Variants in CDH18 observed in about 807,000 individuals in gnomAD.
The protein encoded by CDH18 is cadherin 18, also known as cadherin-18.
CDH18 carries 31 observed loss-of-function variants against 67.9 expected under a neutral mutation model. That is an observed-to-expected ratio of 0.46 (90% CI 0.34 to 0.62). The LOEUF (loss-of-function observed/expected upper bound fraction) is 0.62, where lower values mean the gene tolerates loss of function less well. Ranked by LOEUF, CDH18 falls within the 20% of genes least tolerant of loss-of-function variation. The pLI, the probability that CDH18 is intolerant of heterozygous loss-of-function variation, is 0.01. For missense variants in CDH18, 890 were observed against 975.5 expected, an observed-to-expected ratio of 0.91 and a Z score of 1.17; for synonymous variants, 362 against 347.2, an observed-to-expected ratio of 1.04 and a Z score of -0.48.
At chr5:19,514,556 T>C (rs1745646827) in intron 10 of CDH18, among the ~76,000 whole-genome samples, 1 of 152,232 alleles carries the variant, frequency 6.6e-6, no homozygotes, top group Admixed American at 6.5e-5. Context: ...TGTGAGATGG[T>C]ATCTCATTGC....
chr5:20,243,265 T>G (rs2973197), intron 2 of CDH18, among the ~76,000 whole-genome samples: 106,580 of 152,028 alleles, frequency 0.7, 38,023 homozygotes, highest in African/African-American at 0.85. Context: ...TAATGTGTTA[T>G]AACTTTGTAA....
rs575750931 is a variant in CDH18 at position 19,820,704 on chromosome 5, G to T, written c.228+18055C>A. Among the ~76,000 whole-genome samples, 110 of 152,280 alleles carry T rather than the reference G, an allele frequency of 7.2e-4. 1 individual carries two copies. Among genetic ancestry groups the T allele is most frequent in the African/African-American group, 2.5e-3 (102 of 41,566 alleles). On this transcript the variant is annotated intron_variant, in intron 3 of 12. Coordinates refer to ENST00000382275, the MANE Select transcript of CDH18 (RefSeq NM_004934.5). Reference sequence around the variant, plus strand: ...AGTATTTGGAAGGGGTTCCCCCAAGGCCCAGGAATGGAGTTGGTGAGGGTC... The same window carrying T: ...AGTATTTGGAAGGGGTTCCCCCAAGTCCCAGGAATGGAGTTGGTGAGGGTC...
In CDH18 at chr5:20,501,568, TAA is replaced by T. The variant is rs1491319500; in HGVS notation, c.-580+73892_-580+73893del. On this transcript the variant is annotated intron_variant, in intron 1 of 14. Coordinates refer to the CDH18 transcript ENST00000507958. ...ATATTATATATATAATATATATATA[TAA>T]TATATATATATTATATATATATATT... is the stretch of plus-strand genomic sequence containing the variant. Among the ~76,000 whole-genome samples, 9 of 8,832 alleles carry T rather than the reference TAA, an allele frequency of 1.0e-3. No individual in the cohort carries two copies. In the East Asian group the frequency reaches 0.01, roughly 10 times the overall value. The allele number at this position is 8,832 out of a possible 152,430, so 5.8% of individuals were successfully genotyped here.
chr5:19,499,632 GTTA>G (rs1370883570), intron 11 of CDH18, among the ~76,000 whole-genome samples: 2 of 151,800 alleles, frequency 1.3e-5, no homozygotes. Flanking sequence ...TTGTAAATAT[GTTA>G]TTAATTTATT....
chr5:19,708,527 C>T (rs186492852), intron 5 of CDH18, among the ~76,000 whole-genome samples: 2 of 152,148 alleles, frequency 1.3e-5, no homozygotes, highest in African/African-American at 4.8e-5. Context: ...TAAACAAAAT[C>T]TCTGCAGCAC....
chr5:20,093,628 T>C (rs1745635910), intron 2 of CDH18, among the ~76,000 whole-genome samples: 2 of 152,158 alleles, frequency 1.3e-5, no homozygotes, highest in Admixed American at 1.3e-4. Context: ...AATAAAGGTA[T>C]AAAACTAAAT....
intron 1 of CDH18, among the ~76,000 whole-genome samples, chr5:20,393,192 T>C (rs539952732): frequency 1.3e-5 from 2 of 151,948 alleles, no homozygotes; most frequent in South Asian, 4.1e-4. Context: ...ATAAAGATAG[T>C]GTGGCTTAGT....
chr5:19,783,226 T>C (rs549192030), intron 3 of CDH18, among the ~76,000 whole-genome samples: 3 of 152,250 alleles, frequency 2.0e-5, no homozygotes, highest in South Asian at 2.1e-4. Flanking sequence ...GGAAAGAACA[T>C]GAACTTGAGA....
intron 5 of CDH18, among the ~76,000 whole-genome samples, chr5:19,617,084 T>C (rs1749955142): frequency 6.6e-6 from 1 of 152,178 alleles, no homozygotes; most frequent in Non-Finnish European, 1.5e-5. Flanking sequence ...TTCAGTTTGA[T>C]TTGTGTGCAA....
At chr5:19,974,246 G>A (rs988478691) in intron 2 of CDH18, among the ~76,000 whole-genome samples, 7 of 151,980 alleles carry the variant, frequency 4.6e-5, no homozygotes, top group Admixed American at 3.3e-4. Context: ...AATAGGCGGT[G>A]TTGTCCCTGG....
chr5:20,513,076 C>T (rs997519452), intron 1 of CDH18, among the ~76,000 whole-genome samples: 2 of 151,946 alleles, frequency 1.3e-5, no homozygotes, highest in African/African-American at 2.4e-5. Flanking sequence ...CAGATTTCTT[C>T]GTATGTTTTT....
chr5:20,488,673 T>TTTTATATATA lies in CDH18; in HGVS notation c.-580+86788_-580+86789insTATATATAAA, dbSNP rs1435006497. Among the ~76,000 whole-genome samples, 104 of 126,962 alleles carry TTTTATATATA rather than the reference T, an allele frequency of 8.2e-4. 3 individuals are homozygous for TTTTATATATA. In the South Asian group the frequency reaches 0.023, roughly 28 times the overall value. 83.3% of individuals were successfully genotyped at this position (126,962 alleles called of 152,430 possible). ...TCTTTTTGGTTGGAGGGGTAGTGTT[T>TTTTATATATA]TATATATATATATATATATATATAT... On this transcript the variant is annotated intron_variant, in intron 1 of 14. Coordinates refer to the CDH18 transcript ENST00000507958.
chr5:20,242,631 T>A (rs868124386), intron 2 of CDH18, among the ~76,000 whole-genome samples: 2 of 91,326 alleles, frequency 2.2e-5, no homozygotes, highest in Non-Finnish European at 3.9e-5. Flanking sequence ...TATATATATA[T>A]ATGTATATAT....
intron 4 of CDH18, among the ~76,000 whole-genome samples, chr5:19,739,293 T>G (rs1768783833): frequency 6.6e-6 from 1 of 152,178 alleles, no homozygotes; most frequent in Admixed American, 6.5e-5. Context: ...TCTAAAACCC[T>G]TAATATTTTT....
At chr5:19,951,615 T>C (rs992424244) in intron 2 of CDH18, among the ~76,000 whole-genome samples, 1 of 152,136 alleles carries the variant, frequency 6.6e-6, no homozygotes. Context: ...CCTTATTTTA[T>C]AGAGTATAGA....
intron 1 of CDH18, among the ~76,000 whole-genome samples, chr5:20,507,753 A>G (rs550860207): frequency 2.1e-4 from 32 of 152,284 alleles, no homozygotes; most frequent in Non-Finnish European, 3.4e-4. Flanking sequence ...ATATTATTCT[A>G]AAAGGAAAGA....
At chr5:20,473,272 G>A (rs1017015540) in intron 1 of CDH18, among the ~76,000 whole-genome samples, 7 of 152,100 alleles carry the variant, frequency 4.6e-5, no homozygotes, top group East Asian at 1.9e-4. Context: ...AAAGTTACTC[G>A]TGCTCAGTAA....
At chr5:20,302,602 T>A (rs564281621) in intron 1 of CDH18, among the ~76,000 whole-genome samples, 1 of 152,238 alleles carries the variant, frequency 6.6e-6, no homozygotes, top group African/African-American at 2.4e-5. Context: ...CTCAGGTACT[T>A]AGGAGTTCAT....
chr5:20,097,702 T>G (rs2150571943), intron 2 of CDH18, among the ~76,000 whole-genome samples: 1 of 152,320 alleles, frequency 6.6e-6, no homozygotes, highest in South Asian at 2.1e-4. Flanking sequence ...AATACTGATC[T>G]GATTAAGATG....
Sources: allele counts gnomAD v4.1 joint callset (sites outside exome capture counted in the v4.1 genomes callset), GRCh38; gene constraint gnomAD v4.1.1; transcripts MANE v1.5; gene names NCBI Gene and HGNC (gene_info 2026-07-23, HGNC 2026-07-21).